Variants in MANBA observed in about 807,000 individuals in gnomAD.
MANBA encodes the protein beta-mannosidase.
In MANBA, 83 loss-of-function variants were observed where a neutral mutation model predicts 111.1. That is an observed-to-expected ratio of 0.75 (90% CI 0.63 to 0.90). The LOEUF is 0.90. Ranked by LOEUF, MANBA falls within the 40% of genes least tolerant of loss-of-function variation. The probability of loss-of-function intolerance (pLI) is 0.00; values close to 1 mark genes in which losing one functional copy is unlikely to be tolerated. For missense variants in MANBA, 1,036 were observed against 1,069.0 expected (o/e 0.97, Z 0.43); for synonymous variants, 370 against 378.7 (o/e 0.98, Z 0.27).
intron 1 of MANBA, among the ~76,000 whole-genome samples, chr4:102,742,079 A>G (rs1723423420): frequency 6.6e-6 from 1 of 152,138 alleles, no homozygotes; most frequent in African/African-American, 2.4e-5. Flanking sequence ...ACTCTTCCTT[A>G]TCTCCATTGT....
intron 5 of MANBA, among the ~76,000 whole-genome samples, chr4:102,695,852 G>A (rs1732683474): frequency 6.6e-6 from 1 of 152,102 alleles, no homozygotes; most frequent in Admixed American, 6.6e-5. Context: ...GCCAAATGTC[G>A]AATATATTCA....
chr4:102,729,239 G>A (rs1180467193), intron 1 of MANBA: 11 of 743,358 alleles, frequency 1.5e-5, no homozygotes, highest in Middle Eastern at 3.4e-4. Flanking sequence ...CTGATGTTCC[G>A]GTTCATCTCA....
chr4:102,639,617 T>G, intron 14 of MANBA, 96 bp downstream of exon 14: 2 of 1,513,620 alleles, frequency 1.3e-6, no homozygotes, highest in Non-Finnish European at 9.1e-7. Context: ...TAGTTCTGCC[T>G]GGGCTAATCT....
At chr4:102,753,148 A>C (rs1723871519) in intron 1 of MANBA, among the ~76,000 whole-genome samples, 1 of 152,158 alleles carries the variant, frequency 6.6e-6, no homozygotes, top group Admixed American at 6.5e-5. Context: ...ATATTTACAG[A>C]CACAGACAAA....
chr4:102,734,164 T>C (rs1723125593), intron 1 of MANBA, among the ~76,000 whole-genome samples: 2 of 152,144 alleles, frequency 1.3e-5, no homozygotes, highest in African/African-American at 4.8e-5. Context: ...ACCACTCTGG[T>C]GGGGAATGTT....
chr4:102,633,251 C>T (rs1405163562), intron 16 of MANBA: 7 of 398,454 alleles, frequency 1.8e-5, no homozygotes, highest in African/African-American at 4.1e-5. Flanking sequence ...CAGATCGCAC[C>T]GCCCAGCTGT....
At chr4:102,723,166 G>A in intron 3 of MANBA, 125 bp from the exon 4 acceptor site, 1 of 834,744 alleles carries the variant, frequency 1.2e-6, no homozygotes, top group South Asian at 1.4e-5. Context: ...TAGCCTCCTT[G>A]CAGGAGGGAA....
intron 1 of MANBA, among the ~76,000 whole-genome samples, chr4:102,738,534 C>T (rs546358592): frequency 1.3e-5 from 2 of 152,220 alleles, no homozygotes; most frequent in African/African-American, 2.4e-5. Flanking sequence ...CAGAAATCCC[C>T]GTCCCTAGGG....
chr4:102,736,681 T>C (rs1413797380), intron 1 of MANBA, among the ~76,000 whole-genome samples: 3 of 152,190 alleles, frequency 2.0e-5, no homozygotes, highest in Non-Finnish European at 4.4e-5. Context: ...CATAATTATC[T>C]GGCAAACTGA....
In MANBA at chr4:102,652,545, A is replaced by G. The variant is rs892978846; in HGVS notation, c.1705-1844T>C. On this transcript the variant is annotated intron_variant, in intron 12 of 16. Coordinates refer to ENST00000647097, the MANE Select transcript of MANBA (RefSeq NM_005908.4). Reference sequence around the variant, plus strand: ...GAAATGGCCAGGCAAAGTTCTAATTACTTTAAGAATATTAACTTTTTTTAA... The same window carrying G: ...GAAATGGCCAGGCAAAGTTCTAATTGCTTTAAGAATATTAACTTTTTTTAA... Among the ~76,000 whole-genome samples the G allele has an allele frequency of 6.6e-5, 10 of 152,280 alleles. No homozygotes were observed. In the East Asian group the frequency reaches 1.7e-3, roughly 26 times the overall value.
Position 102,657,821 on chromosome 4 carries a change from T to C in MANBA, c.1565A>G (p.Asn522Ser). The C allele has an allele frequency of 6.2e-7, 1 of 1,613,882 alleles. No individual in the cohort carries two copies. The change falls in exon 12 of 17, where the codon AAC becomes AGC. Residue 522 changes from asparagine (N) to serine (S), a missense_variant. Asn to Ser is a conservative substitution (Grantham distance 46, BLOSUM62 1). Coordinates refer to ENST00000647097, the MANE Select transcript of MANBA (RefSeq NM_005908.4). The part of the protein sequence containing the change: ...ETVAEAWVSQ[N>S]PNSNYFGDVH... ...ATCACCAAAATAATTGCTATTAGGG[T>C]TTTGAGAGACCCAGGCTTCTGCAAC...
intron 7 of MANBA, 61 bp downstream of exon 7, chr4:102,689,513 G>A: frequency 2.8e-6 from 3 of 1,068,936 alleles, no homozygotes; most frequent in South Asian, 2.7e-5. Context: ...ATGAAGATCT[G>A]TATTACTATT....
chr4:102,679,381 A>G (rs1313329864), intron 7 of MANBA, among the ~76,000 whole-genome samples: 1 of 152,158 alleles, frequency 6.6e-6, no homozygotes, highest in Non-Finnish European at 1.5e-5. Context: ...GAATAATGAT[A>G]ATGTCCAGAA....
chr4:102,715,812 G>A (rs953354116), intron 4 of MANBA, among the ~76,000 whole-genome samples: 1 of 152,118 alleles, frequency 6.6e-6, no homozygotes, highest in Non-Finnish European at 1.5e-5. Flanking sequence ...TATGTTGCAC[G>A]TAACCTATGA....
intron 4 of MANBA, among the ~76,000 whole-genome samples, chr4:102,721,198 C>T (rs566563824): frequency 2.0e-5 from 3 of 152,208 alleles, no homozygotes; most frequent in South Asian, 4.2e-4. Context: ...GCAGTGCATG[C>T]GTGGAATCCC....
chr4:102,755,318 A>G (rs1723968511), intron 1 of MANBA, among the ~76,000 whole-genome samples: 1 of 152,170 alleles, frequency 6.6e-6, no homozygotes, highest in Non-Finnish European at 1.5e-5. Context: ...ATAATACCAC[A>G]CATCTACAAC....
chr4:102,685,676 T>C (rs1340550044), intron 7 of MANBA, among the ~76,000 whole-genome samples: 1 of 152,156 alleles, frequency 6.6e-6, no homozygotes, highest in African/African-American at 2.4e-5. Context: ...CTTTCCATTC[T>C]CTTAATGGTA....
chr4:102,730,935 T>C (rs1469465923), intron 1 of MANBA, among the ~76,000 whole-genome samples: 1 of 152,128 alleles, frequency 6.6e-6, no homozygotes, highest in Non-Finnish European at 1.5e-5. Context: ...CATGTTCCCC[T>C]GAAACTGCAC....
chr4:102,752,734 C>T (rs1435868451), intron 1 of MANBA: 7 of 377,148 alleles, frequency 1.9e-5, no homozygotes, highest in Admixed American at 1.4e-4. Flanking sequence ...AGAAAGCAGC[C>T]GTTTGAAATT....
Sources: gnomAD v4.1 joint callset for allele counts (sites outside exome capture counted in the v4.1 genomes callset) on GRCh38, gnomAD v4.1.1 for gene constraint, MANE v1.5 for transcripts, NCBI Gene and HGNC (gene_info 2026-07-23, HGNC 2026-07-21) for gene names.